ARHGAP15: variants seen among roughly 807,000 people sequenced by gnomAD.
ARHGAP15 encodes the protein Rho GTPase activating protein 15.
A neutral mutation model predicts 63.7 loss-of-function variants in ARHGAP15; 51 were observed. That is an observed-to-expected ratio of 0.80 (90% confidence interval 0.64 to 1.01). The LOEUF (loss-of-function observed/expected upper bound fraction) is 1.01. Ranked by LOEUF, ARHGAP15 falls within the 50% of genes least tolerant of loss-of-function variation. ARHGAP15 has a pLI of 0.00. For synonymous variants in ARHGAP15, 191 were observed against 193.8 expected (o/e 0.99, Z 0.12); for missense variants, 560 against 564.6 (o/e 0.99, Z 0.08).
chr2:143,503,332 C>T lies in ARHGAP15; in HGVS notation c.826+15837C>T, dbSNP rs542232905. Among the ~76,000 whole-genome samples, 17 of 152,214 alleles carry T rather than the reference C, an allele frequency of 1.1e-4. No homozygotes were observed. The South Asian group carries it at 3.1e-3, about 28-fold the overall frequency. On this transcript the variant is annotated intron_variant, in intron 9 of 13. Transcript: ENST00000295095. ...CATAAGTTGTAGTGAAAGGGGCAAC[C>T]AAGACTCTTCCTGTGCTATTTAAAA...
At chr2:143,666,405 T>C (rs1014471804) in intron 12 of ARHGAP15, among the ~76,000 whole-genome samples, 2 of 152,116 alleles carry the variant, frequency 1.3e-5, no homozygotes, top group Admixed American at 6.5e-5. Context: ...TTACACCTTA[T>C]ACAAAAATCA....
chr2:143,618,196 A>C (rs1438456176), intron 11 of ARHGAP15, among the ~76,000 whole-genome samples: 1 of 152,264 alleles, frequency 6.6e-6, no homozygotes, highest in Non-Finnish European at 1.5e-5. Context: ...TAGTTGAGTG[A>C]TTCAACCAAC....
intron 13 of ARHGAP15, among the ~76,000 whole-genome samples, chr2:143,712,153 G>A (rs1285835620): frequency 6.6e-6 from 1 of 152,168 alleles, no homozygotes; most frequent in African/African-American, 2.4e-5. Context: ...GAGAATGGGG[G>A]AAAGTGATGG....
At chr2:143,281,175 A>C (rs1389504629) in intron 6 of ARHGAP15, among the ~76,000 whole-genome samples, 1 of 152,190 alleles carries the variant, frequency 6.6e-6, no homozygotes, top group African/African-American at 2.4e-5. Flanking sequence ...AGGGCGATCT[A>C]TTTATAGATG....
chr2:143,742,526 C>T (rs144689960), intron 13 of ARHGAP15, among the ~76,000 whole-genome samples: 92 of 152,300 alleles, frequency 6.0e-4, no homozygotes, highest in African/African-American at 2.1e-3. Context: ...AAATGTCTCC[C>T]TCTTATGTCA....
intron 8 of ARHGAP15, among the ~76,000 whole-genome samples, chr2:143,456,197 T>C (rs1246120778): frequency 7.2e-5 from 11 of 152,104 alleles, no homozygotes; most frequent in Non-Finnish European, 1.5e-5. Context: ...GTTCTCAGAA[T>C]AGTGTCTGGA....
intron 1 of ARHGAP15, among the ~76,000 whole-genome samples, chr2:143,139,001 C>A (rs1689254147): frequency 6.6e-6 from 1 of 152,048 alleles, no homozygotes; most frequent in Admixed American, 6.6e-5. Flanking sequence ...TGCCACGGCT[C>A]TAAACCATCT....
chr2:143,332,555 T>A (rs1313591777), intron 6 of ARHGAP15, among the ~76,000 whole-genome samples: 2 of 152,164 alleles, frequency 1.3e-5, no homozygotes, highest in Non-Finnish European at 2.9e-5. Flanking sequence ...AGCTTCCCAA[T>A]GCATGTGGCT....
chr2:143,236,971 A>G (rs1693678910), intron 5 of ARHGAP15: 1 of 152,178 alleles, frequency 6.6e-6, no homozygotes, highest in Admixed American at 6.6e-5. Context: ...GCGGAACAGC[A>G]TTGTGGAACA....
chr2:143,268,620 G>T (rs74884048), intron 6 of ARHGAP15, among the ~76,000 whole-genome samples: 6,834 of 152,160 alleles, frequency 0.045, 255 homozygotes, highest in East Asian at 0.2. Context: ...GTTTGAAAAT[G>T]TAATTAGTTA....
intron 6 of ARHGAP15, among the ~76,000 whole-genome samples, chr2:143,330,480 C>T (rs900416035): frequency 3.9e-5 from 6 of 151,990 alleles, no homozygotes; most frequent in Non-Finnish European, 5.9e-5. Flanking sequence ...CATAAGTAGC[C>T]ATGTATGATT....
intron 6 of ARHGAP15, among the ~76,000 whole-genome samples, chr2:143,399,425 C>A (rs1300969641): frequency 6.6e-6 from 1 of 151,888 alleles, no homozygotes; most frequent in Non-Finnish European, 1.5e-5. Context: ...GAATTTTATT[C>A]CCTGAGGTTT....
At chr2:143,454,678 A>G (rs557045501) in intron 8 of ARHGAP15, among the ~76,000 whole-genome samples, 71 of 152,108 alleles carry the variant, frequency 4.7e-4, no homozygotes, top group Non-Finnish European at 9.1e-4. Flanking sequence ...TACGTTCATA[A>G]TATGGGTGGA....
chr2:143,207,618 C>T (rs1692389629), intron 3 of ARHGAP15, among the ~76,000 whole-genome samples: 1 of 152,012 alleles, frequency 6.6e-6, no homozygotes, highest in Non-Finnish European at 1.5e-5. Flanking sequence ...GAACGCTTAT[C>T]TTGCTGTGTC....
At chr2:143,500,606 T>C (rs982640004) in intron 9 of ARHGAP15, among the ~76,000 whole-genome samples, 3 of 152,166 alleles carry the variant, frequency 2.0e-5, no homozygotes, top group African/African-American at 7.2e-5. Flanking sequence ...CTGGTCAATG[T>C]TTACAAGAAA....
intron 6 of ARHGAP15, among the ~76,000 whole-genome samples, chr2:143,415,764 T>C (rs1688647219): frequency 6.6e-6 from 1 of 152,104 alleles, no homozygotes; most frequent in Non-Finnish European, 1.5e-5. Context: ...GAAACTGTGG[T>C]ATATATATAC....
chr2:143,263,169 T>G (rs1229127734), intron 6 of ARHGAP15, among the ~76,000 whole-genome samples: 4 of 152,172 alleles, frequency 2.6e-5, no homozygotes, highest in African/African-American at 9.7e-5. Context: ...TTCCAAGTGA[T>G]GTGACATTTA....
At chr2:143,394,165 G>A (rs1456187807) in intron 6 of ARHGAP15, among the ~76,000 whole-genome samples, 1 of 152,112 alleles carries the variant, frequency 6.6e-6, no homozygotes, top group African/African-American at 2.4e-5. Context: ...TGCTCATCCA[G>A]TGCGACACAC....
At chr2:143,175,736 T>C (rs1690987175) in intron 2 of ARHGAP15, among the ~76,000 whole-genome samples, 1 of 152,024 alleles carries the variant, frequency 6.6e-6, no homozygotes, top group Admixed American at 6.6e-5. Flanking sequence ...ATGGGTGCAA[T>C]ATTTTGGGGG....
Sources: allele counts gnomAD v4.1 joint callset (sites outside exome capture counted in the v4.1 genomes callset), GRCh38; gene constraint gnomAD v4.1.1; transcripts MANE v1.5; gene names NCBI Gene and HGNC (gene_info 2026-07-23, HGNC 2026-07-21).